The following MICA variants were observed in gnomAD, a reference collection of about 807,000 sequenced individuals.
MICA encodes HLA class I antigen.
MICA carries 18 observed loss-of-function variants against 34.3 expected under a neutral mutation model. The observed-to-expected ratio is 0.52, with a 90% CI of 0.36 to 0.78. The LOEUF is 0.78. Among genes scored for constraint, MICA ranks in the 30% least tolerant of loss-of-function variants. The pLI is 0.00. For missense variants in MICA, 333 were observed against 409.4 expected (o/e 0.81, Z 1.61); for synonymous variants, 135 against 156.9 (o/e 0.86, Z 1.04).
Position 31,411,138 on chromosome 6 carries a change from A to C in MICA, c.392A>C (p.Gln131Pro). ...IHEDNSTRSS[Q>P]HFYYDGELFL... ...GAAGACAACAGCACCAGGAGCTCCC[A>C]GCATTTCTACTACGATGGGGAGCTC... Residue 131 changes from glutamine (Q) to proline (P), a missense_variant, in exon 3 of 6, where the codon CAG becomes CCG. Gln to Pro is a moderately conservative substitution (Grantham distance 76). Coordinates refer to ENST00000449934, the MANE Select transcript of MICA (RefSeq NM_001177519.3). This position sits in a 1 kb window ranked among gnomAD's most constrained non-coding sequence, Gnocchi z 4.3. 6.2e-7 allele frequency: 1 copy of C among 1,612,172 alleles called. No individual in the cohort carries two copies. Among genetic ancestry groups the C allele is most frequent in the South Asian group, 1.1e-5 (1 of 90,758 alleles).
intron 1 of MICA, among the ~76,000 whole-genome samples, chr6:31,410,022 G>A (rs2113748271): frequency 6.6e-6 from 1 of 151,570 alleles, no homozygotes; most frequent in African/African-American, 2.4e-5. Context: ...CTTCTCTGGG[G>A]CTACAACCTT....
At chr6:31,414,850 C>G (rs560828319) in intron 5 of MICA, among the ~76,000 whole-genome samples, 162 bp from the exon 6 acceptor site, 2 of 151,874 alleles carry the variant, frequency 1.3e-5, no homozygotes, top group South Asian at 4.2e-4. Flanking sequence ...CTGGCAGGGG[C>G]TGGGAAAAGC....
chr6:31,410,358 T>C (rs1009702556), intron 1 of MICA, among the ~76,000 whole-genome samples, 185 bp from the exon 2 acceptor site: 16 of 151,498 alleles, frequency 1.1e-4, no homozygotes, highest in African/African-American at 3.9e-4. Context: ...CTTCTTCTGT[T>C]CATCAGCCCC....
Position 31,404,198 on chromosome 6 carries a change from G to A in MICA, c.70+496G>A, listed in dbSNP as rs1237746879. 3.3e-5 allele frequency among the ~76,000 whole-genome samples: 5 copies of A among 151,792 alleles called. No homozygotes were observed. The South Asian group carries it at 1.0e-3, about 32-fold the overall frequency. On this transcript the variant is annotated intron_variant, in intron 1 of 5. Coordinates refer to ENST00000449934, the MANE Select transcript of MICA (RefSeq NM_001177519.3). ...TAGGGGCCCTCCTTTCTCGGGACCC[G>A]GAGCTGGTGCTTCCTGCTGCTGTGG... is the stretch of plus-strand genomic sequence containing the variant.
intron 1 of MICA, among the ~76,000 whole-genome samples, chr6:31,409,789 T>C (rs1332257474): frequency 6.6e-6 from 1 of 151,878 alleles, no homozygotes; most frequent in Non-Finnish European, 1.5e-5. Flanking sequence ...GAGTTAATTT[T>C]TGTATATAGT....
chr6:31,407,055 G>T lies in MICA; in HGVS notation c.70+3353G>T, dbSNP rs147187739. On this transcript the variant is annotated intron_variant, in intron 1 of 5. Transcript: ENST00000449934. ...TTCTGGTTTTTTTGTGGTTCCATATGCATTTTAGGATTATTTTTATTATTT... is the reference window on the plus strand; with the variant it reads ...TTCTGGTTTTTTTGTGGTTCCATATTCATTTTAGGATTATTTTTATTATTT... Among the ~76,000 whole-genome samples, 580 of 151,822 alleles carry T rather than the reference G, an allele frequency of 3.8e-3. 14 individuals are homozygous for T. In the East Asian group the frequency reaches 0.05, roughly 13 times the overall value.
chr6:31,403,565 C>CT, upstream of MICA: 2 of 1,338,590 alleles, frequency 1.5e-6, no homozygotes, highest in South Asian at 3.0e-5. This position sits in a 1 kb window ranked among gnomAD's most constrained non-coding sequence, Gnocchi z 4.7. Flanking sequence ...GGCCAGGTGA[C>CT]TAAGTTTCCG....
At chr6:31,407,440 T>C (rs1770811123) in intron 1 of MICA, among the ~76,000 whole-genome samples, 1 of 151,890 alleles carries the variant, frequency 6.6e-6, no homozygotes, top group Non-Finnish European at 1.5e-5. Flanking sequence ...TTCTCTATGT[T>C]GGCCAGGCTA....
At position 31,411,443 on chromosome 6, in the gene MICA, C is replaced by A; in HGVS notation, c.613+84C>A. The A allele has an allele frequency of 1.5e-6, 2 of 1,342,358 alleles. No individual in the cohort carries two copies. Among genetic ancestry groups the A allele is most frequent in the African/African-American group, 1.5e-5 (1 of 67,076 alleles). The allele number at this position is 1,342,358 out of a possible 1,614,324, so 83.2% of individuals were successfully genotyped here. A position where few individuals can be genotyped will look rare whatever the true frequency, so the allele number is the denominator to read the frequency against. ...TCCCAGATGTGTCCAGGGAAACCCT[C>A]CCTGTGCTATGGATGAAGGCATTTC... is the stretch of plus-strand genomic sequence containing the variant. On this transcript the variant is annotated intron_variant, in intron 3 of 5. Transcript: ENST00000449934. The surrounding 1 kb of genome is among the most constrained non-coding windows in gnomAD (Gnocchi z 4.3).
chr6:31,412,254 C>G, intron 4 of MICA, 29 bp downstream of exon 4: 1 of 1,606,150 alleles, frequency 6.2e-7, no homozygotes, highest in Non-Finnish European at 8.5e-7. Context: ...TGGAGAGGGT[C>G]AGGCCAGGGT....
At chr6:31,410,503 T>C (rs754364954) in intron 1 of MICA, 40 bp from the exon 2 acceptor site, 7 of 1,599,030 alleles carry the variant, frequency 4.4e-6, no homozygotes, top group Non-Finnish European at 2.6e-6. Context: ...GTGAAGTTAC[T>C]TCCAGGAAGA....
intron 1 of MICA, among the ~76,000 whole-genome samples, chr6:31,406,724 T>G (rs1770768081): frequency 6.6e-6 from 1 of 151,924 alleles, no homozygotes; most frequent in African/African-American, 2.4e-5. Context: ...TTTGATTTGA[T>G]TTTTGTATAT....
chr6:31,403,575 G>T, upstream of MICA: 1 of 1,393,318 alleles, frequency 7.2e-7, no homozygotes, highest in Non-Finnish European at 9.5e-7. The surrounding 1 kb of genome is among the most constrained non-coding windows in gnomAD (Gnocchi z 4.7). Flanking sequence ...CTAAGTTTCC[G>T]CGGCGCCTTC....
chr6:31,415,135 C>T lies in MICA; in HGVS notation c.*153C>T. On this transcript the variant is annotated 3_prime_UTR_variant, in exon 6 of 6. Coordinates refer to ENST00000449934, the MANE Select transcript of MICA (RefSeq NM_001177519.3). ...GGGTCCACTGGCTCCACTGAGGGCA[C>T]CTAGACTCTACAGCCAGGCGGCTGG... 9.6e-7 allele frequency: 1 copy of T among 1,044,850 alleles called. No individual in the cohort carries two copies. The highest frequency in any genetic ancestry group is 2.5e-5 in the East Asian group (1 of 39,342). The allele number at this position is 1,044,850 out of a possible 1,614,324, so 64.7% of individuals were successfully genotyped here. A position where few individuals can be genotyped will look rare whatever the true frequency, so the allele number is the denominator to read the frequency against.
chr6:31,410,841 A>G (rs1263023880), intron 2 of MICA, 44 bp downstream of exon 2: 3 of 1,534,454 alleles, frequency 2.0e-6, no homozygotes, highest in East Asian at 2.5e-5. Flanking sequence ...GGCCTTTTCC[A>G]GAAAAGTTAG....
Position 31,411,122 on chromosome 6 carries a change from A to G in MICA, c.376A>G (p.Ser126Gly), listed in dbSNP as rs1348459863. 4 of 1,610,314 alleles carry G rather than the reference A, an allele frequency of 2.5e-6. No individual in the cohort carries two copies. Among genetic ancestry groups the G allele is most frequent in the Non-Finnish European group, 3.4e-6 (4 of 1,178,836 alleles). ...IRVCEIHEDN[S>G]TRSSQHFYYD... is the part of the protein sequence containing the mutation. ...GGTCTGTGAGATCCATGAAGACAAC[A>G]GCACCAGGAGCTCCCAGCATTTCTA... The change falls in exon 3 of 6, where the codon AGC (serine) becomes GGC (glycine). Residue 126 changes from serine (S) to glycine (G), a missense_variant. Coordinates refer to ENST00000449934, the MANE Select transcript of MICA (RefSeq NM_001177519.3). This position sits in a 1 kb window ranked among gnomAD's most constrained non-coding sequence, Gnocchi z 4.3.
At chr6:31,413,934 A>G (rs1771357143) in intron 5 of MICA, among the ~76,000 whole-genome samples, 1 of 152,076 alleles carries the variant, frequency 6.6e-6, no homozygotes, top group African/African-American at 2.4e-5. Context: ...TATAATCTTA[A>G]TAGGATTTCC....
In MICA at chr6:31,411,019, G is replaced by A. The variant is rs1408794354; in HGVS notation, c.326-53G>A. 6.6e-7 allele frequency: 1 copy of A among 1,511,964 alleles called. No homozygotes were observed. The highest frequency in any genetic ancestry group is 2.5e-5 in the East Asian group (1 of 40,804). 93.7% of individuals were successfully genotyped at this position (1,511,964 alleles called of 1,614,324 possible). A position where few individuals can be genotyped will look rare whatever the true frequency, so the allele number is the denominator to read the frequency against. Reference sequence around the variant, plus strand: ...CCCCCTGGGCTGAGTTCCTCACTTGGGTGGAAAGGTGATGGGTTCGGGAAT... The same window carrying A: ...CCCCCTGGGCTGAGTTCCTCACTTGAGTGGAAAGGTGATGGGTTCGGGAAT... On this transcript the variant is annotated intron_variant, in intron 2 of 5. Coordinates refer to ENST00000449934, the MANE Select transcript of MICA (RefSeq NM_001177519.3). The surrounding 1 kb of genome is among the most constrained non-coding windows in gnomAD (Gnocchi z 4.3).
In MICA at chr6:31,403,998, A is replaced by C. The variant is rs558280617; in HGVS notation, c.70+296A>C. Among the ~76,000 whole-genome samples the C allele has an allele frequency of 1.3e-5, 2 of 151,532 alleles. No homozygotes were observed. Among genetic ancestry groups the C allele is most frequent in the East Asian group, 2.0e-4 (1 of 5,108 alleles). ...GGACAAACCAGTCCTTCTGAGGCCC[A>C]TGGGTTCCCGGGCTGCCTCCGGGGC... On this transcript the variant is annotated intron_variant, in intron 1 of 5. Coordinates refer to ENST00000449934, the MANE Select transcript of MICA (RefSeq NM_001177519.3). The surrounding 1 kb of genome is among the most constrained non-coding windows in gnomAD (Gnocchi z 4.7).
Sources: gnomAD v4.1 joint callset for allele counts (sites outside exome capture counted in the v4.1 genomes callset) on GRCh38, gnomAD v4.1.1 for gene constraint, Gnocchi (gnomAD v3.1) non-coding constraint, MANE v1.5 for transcripts, NCBI Gene and HGNC (gene_info 2026-07-23, HGNC 2026-07-21) for gene names.